PLXNB2: variants seen among roughly 807,000 people sequenced by gnomAD.
The protein encoded by PLXNB2 is plexin B2.
Under a neutral mutation model 202.6 loss-of-function variants are expected in PLXNB2, and 85 were observed. That is an observed-to-expected ratio of 0.42 (90% CI 0.35 to 0.50). The LOEUF is 0.50. PLXNB2 is among the 20% of genes least tolerant of loss of function. PLXNB2 has a pLI of 0.02. For missense variants in PLXNB2, 2,063 were observed against 2,586.2 expected, an observed-to-expected ratio of 0.80 and a Z score of 4.39; for synonymous variants, 1,239 against 1,137.6, an observed-to-expected ratio of 1.09 and a Z score of -1.79.
intron 33 of PLXNB2, among the ~76,000 whole-genome samples, chr22:50,277,300 C>CAAA (rs34557850): frequency 2.2e-4 from 32 of 142,802 alleles, no homozygotes; most frequent in Admixed American, 1.1e-3. Flanking sequence ...GACTCCATCT[C>CAAA]AAAAAAAAAA....
rs1363747306 is a variant in PLXNB2 at position 50,284,470 on chromosome 22, G to C, written c.2181+103C>G. On this transcript the variant is annotated intron_variant, in intron 12 of 36. Coordinates refer to ENST00000359337, the MANE Select transcript of PLXNB2 (RefSeq NM_012401.4). The surrounding 1 kb of genome is among the most constrained non-coding windows in gnomAD (Gnocchi z 8.0). ...GCCCCTGGCTGGGCTCTGGTCCCTG[G>C]GGTCTCCCTGCTGCCCCTCCCCTCA... 1.1e-6 allele frequency: 1 copy of C among 909,982 alleles called. No homozygotes were observed. Among genetic ancestry groups the C allele is most frequent in the African/African-American group, 1.6e-5 (1 of 61,046 alleles). 56.4% of individuals were successfully genotyped at this position (909,982 alleles called of 1,614,324 possible).
At position 50,284,708 on chromosome 22, in the gene PLXNB2, A is replaced by T. The variant is rs1206312625; in HGVS notation, c.2089-43T>A. ...AGGACCCTGGACAGGCGGCTGTGGC[A>T]CCCTGGCCCTCCTCCCAGAACCCCT... On this transcript the variant is annotated intron_variant, in intron 11 of 36. Coordinates refer to ENST00000359337, the MANE Select transcript of PLXNB2 (RefSeq NM_012401.4). The surrounding 1 kb of genome is among the most constrained non-coding windows in gnomAD (Gnocchi z 8.0). 1 of 1,470,144 alleles carries T rather than the reference A, an allele frequency of 6.8e-7. No homozygotes were observed. 91.1% of individuals were successfully genotyped at this position (1,470,144 alleles called of 1,614,324 possible).
intron 33 of PLXNB2, among the ~76,000 whole-genome samples, chr22:50,277,161 C>T (rs980076526): frequency 2.6e-5 from 4 of 152,088 alleles, no homozygotes; most frequent in Non-Finnish European, 4.4e-5. Flanking sequence ...ACTAGCCGTG[C>T]GTTGTGGCAC....
In PLXNB2 at chr22:50,278,908, A is replaced by C; in HGVS notation, c.4493T>G (p.Val1498Gly). 6.2e-7 allele frequency: 1 copy of C among 1,613,602 alleles called. No individual in the cohort carries two copies. Among genetic ancestry groups the C allele is most frequent in the Non-Finnish European group, 8.5e-7 (1 of 1,179,878 alleles). ...GCAGGAGCAGGGCTGCCCACGGTACACCTGGTCAATGATCTTCTCCTTGAC... is the reference window on the plus strand; with the variant it reads ...GCAGGAGCAGGGCTGCCCACGGTACCCCTGGTCAATGATCTTCTCCTTGAC... ...SQVKEKIIDQ[V>G]YRGQPCSCWP... Residue 1498 changes from valine (V) to glycine (G), a missense_variant, in exon 28 of 37, where the codon GTG becomes GGG. By Grantham distance (109) the Val-to-Gly change is moderately radical (BLOSUM62 -3). This residue lies in a region of PLXNB2 where 760 missense variants were observed against 1,109.4 expected (regional missense o/e 0.69). Coordinates refer to ENST00000359337, the MANE Select transcript of PLXNB2 (RefSeq NM_012401.4).
At position 50,284,943 on chromosome 22, in the gene PLXNB2, C is replaced by T. The variant is rs560979105; in HGVS notation, c.2089-278G>A. 1.8e-5 allele frequency: 10 copies of T among 569,832 alleles called. No individual in the cohort carries two copies. The highest frequency in any genetic ancestry group is 9.4e-5 in the South Asian group (6 of 63,682). 35.3% of individuals were successfully genotyped at this position (569,832 alleles called of 1,614,324 possible). Reference sequence around the variant, plus strand: ...GAACATCGCCCGGCCCACCTGACATCGTGGCCCCCACAGCTCCCTCCTCAG... The same window carrying T: ...GAACATCGCCCGGCCCACCTGACATTGTGGCCCCCACAGCTCCCTCCTCAG... On this transcript the variant is annotated intron_variant, in intron 11 of 36. Transcript: ENST00000359337. This position sits in a 1 kb window ranked among gnomAD's most constrained non-coding sequence, Gnocchi z 8.0.
At chr22:50,300,999 G>A (rs1482190265) in intron 1 of PLXNB2, among the ~76,000 whole-genome samples, 3 of 151,986 alleles carry the variant, frequency 2.0e-5, no homozygotes, top group Admixed American at 1.3e-4. Context: ...CCCCCTCTCC[G>A]CCTCTGCACC....
rs1205551430 is a variant in PLXNB2 at position 50,287,208 on chromosome 22, G to A, written c.1665C>T (p.Cys555=). The change falls in exon 8 of 37, where the codon TGC becomes TGT. Residue 555 remains cysteine (C), a synonymous_variant. Transcript: ENST00000359337. ...GGTGTGGCGGCGACTCCCCAAAAAGGCACAGCAACTCGTCCTCCTCGCTCA... is the reference window on the plus strand; with the variant it reads ...GGTGTGGCGGCGACTCCCCAAAAAGACACAGCAACTCGTCCTCCTCGCTCA... The part of the protein sequence containing the change: ...PALSEEDELL[C]LFGESPPHPA... 1.9e-6 allele frequency: 3 copies of A among 1,550,430 alleles called. No individual in the cohort carries two copies. Among genetic ancestry groups the A allele is most frequent in the African/African-American group, 2.7e-5 (2 of 73,102 alleles).
chr22:50,287,071 A>T (rs1293225368), intron 8 of PLXNB2, 40 bp downstream of exon 8: 1 of 1,466,398 alleles, frequency 6.8e-7, no homozygotes, highest in East Asian at 2.5e-5. Context: ...GCCCCGTGCG[A>T]CCGAGAAGGG....
In PLXNB2 at chr22:50,287,271, GA is replaced by G. The variant is rs1423360035; in HGVS notation, c.1609-8del. 6.7e-7 allele frequency: 1 copy of G among 1,495,808 alleles called. No homozygotes were observed. The highest frequency in any genetic ancestry group is 8.9e-7 in the Non-Finnish European group (1 of 1,117,596). 92.7% of individuals were successfully genotyped at this position (1,495,808 alleles called of 1,614,324 possible). ...GGCTGACGGTCAGCTGCACCTGAGG[GA>G]GGGGCCGTGCCGCTCACACTGGGAA... On this transcript the variant is annotated splice_polypyrimidine_tract_variant and splice_region_variant and intron_variant, in intron 7 of 36. Coordinates refer to ENST00000359337, the MANE Select transcript of PLXNB2 (RefSeq NM_012401.4).
At chr22:50,287,819 C>T (rs1257517612) in intron 6 of PLXNB2, 26 bp from the exon 7 acceptor site, 3 of 1,595,654 alleles carry the variant, frequency 1.9e-6, no homozygotes, top group East Asian at 2.2e-5. Context: ...GCGGCCTCAG[C>T]CCAGGGTGGA....
chr22:50,282,136 C>T, intron 19 of PLXNB2, 48 bp downstream of exon 19: 2 of 1,603,718 alleles, frequency 1.2e-6, no homozygotes, highest in Middle Eastern at 3.3e-4. Flanking sequence ...CCTTCCTGGG[C>T]ACGATCCCAT....
At chr22:50,302,702 G>C (rs77778031) in intron 1 of PLXNB2, among the ~76,000 whole-genome samples, 2,247 of 152,218 alleles carry the variant, frequency 0.015, 58 homozygotes, top group African/African-American at 0.051. Context: ...CAATCTCTGA[G>C]GCTGAGAGGG....
Position 50,283,074 on chromosome 22 carries a change from G to A in PLXNB2, c.2792C>T (p.Thr931Ile). 6.2e-7 allele frequency: 1 copy of A among 1,610,640 alleles called. No homozygotes were observed. Among genetic ancestry groups the A allele is most frequent in the East Asian group, 2.2e-5 (1 of 44,770 alleles). Residue 931 changes from threonine to isoleucine, a missense_variant, in exon 17 of 37, where the codon ACC becomes ATC. Physicochemically the swap from Thr to Ile is moderately conservative, Grantham distance 89. Coordinates refer to ENST00000359337, the MANE Select transcript of PLXNB2 (RefSeq NM_012401.4). ...DTGSQEDVRV[T>I]LNGVPCKVTK... Reference sequence around the variant, plus strand: ...CACTTTACACGGGACGCCGTTGAGGGTCACCCGCACGTCCTCCTGGGAGCC... The same window carrying A: ...CACTTTACACGGGACGCCGTTGAGGATCACCCGCACGTCCTCCTGGGAGCC...
chr22:50,300,032 C>T (rs1299996857), intron 1 of PLXNB2, among the ~76,000 whole-genome samples: 1 of 152,074 alleles, frequency 6.6e-6, no homozygotes, highest in Admixed American at 6.5e-5. Flanking sequence ...CTCCTCGGCG[C>T]CGCCCACTGC....
Position 50,288,095 on chromosome 22 carries a change from AC to A in PLXNB2, c.1381-59del. On this transcript the variant is annotated intron_variant, in intron 5 of 36. Transcript: ENST00000359337. This position sits in a 1 kb window ranked among gnomAD's most constrained non-coding sequence, Gnocchi z 5.0. ...CAGAGGCCGCACGGGCCTTCCGCAG[AC>A]CCCAGATGTCCCCAGACCGCCAGCT... The A allele has an allele frequency of 7.5e-7, 1 of 1,326,966 alleles. No homozygotes were observed. Among genetic ancestry groups the A allele is most frequent in the Non-Finnish European group, 1.1e-6 (1 of 950,956 alleles). The allele number at this position is 1,326,966 out of a possible 1,614,324, so 82.2% of individuals were successfully genotyped here.
In PLXNB2 at chr22:50,281,653, G is replaced by A. The variant is rs202229233; in HGVS notation, c.3435C>T (p.Thr1145=). The A allele has an allele frequency of 1.3e-5, 21 of 1,593,322 alleles. No homozygotes were observed. Among genetic ancestry groups the A allele is most frequent in the South Asian group, 4.5e-5 (4 of 88,674 alleles). ...ERCTMKTLTE[T]DLYCEPPEVQ... Reference sequence around the variant, plus strand: ...CCTCCGGGGGCTCACAGTACAGGTCGGTCTCCGTCAGCGTCTTCATGGTGC... The same window carrying A: ...CCTCCGGGGGCTCACAGTACAGGTCAGTCTCCGTCAGCGTCTTCATGGTGC... Residue 1145 remains threonine (T), a synonymous_variant, in exon 21 of 37, where the codon ACC becomes ACT. Coordinates refer to ENST00000359337, the MANE Select transcript of PLXNB2 (RefSeq NM_012401.4).
In PLXNB2 at chr22:50,291,441, C is replaced by T. The variant is rs1167319768; in HGVS notation, c.-13-844G>A. Among the ~76,000 whole-genome samples, 1 of 152,052 alleles carries T rather than the reference C, an allele frequency of 6.6e-6. No homozygotes were observed. The highest frequency in any genetic ancestry group is 1.5e-5 in the Non-Finnish European group (1 of 67,998). On this transcript the variant is annotated intron_variant, in intron 2 of 36. Coordinates refer to ENST00000359337, the MANE Select transcript of PLXNB2 (RefSeq NM_012401.4). This position sits in a 1 kb window ranked among gnomAD's most constrained non-coding sequence, Gnocchi z 4.3. ...AACTGAGCACGTCTCGGTGTGGGGT[C>T]TGTGCCTGGGTCCGGGTGGATGAGG...
chr22:50,283,883 C>T lies in PLXNB2; in HGVS notation c.2371G>A (p.Glu791Lys), dbSNP rs768741557. Residue 791 changes from glutamate to lysine, a missense_variant, in exon 14 of 37, where the codon GAG (glutamate) becomes AAG (lysine). Glu to Lys is a moderately conservative substitution (Grantham distance 56). Around this residue, in one of 2 missense-constraint regions of PLXNB2, gnomAD observed 1,303 missense variants for 1,476.8 expected, o/e 0.88. Coordinates refer to ENST00000359337, the MANE Select transcript of PLXNB2 (RefSeq NM_012401.4). ...TCGGAGGTGGTGTTGCACAGGGCCT[C>T]ATACACGCACCTGCTCTGGCCCCCG... ...WCGGQSRCVY[E>K]ALCNTTSECP... is the part of the protein sequence containing the mutation. 6.5e-5 allele frequency: 104 copies of T among 1,603,676 alleles called. No homozygotes were observed. The highest frequency in any genetic ancestry group is 8.3e-5 in the Non-Finnish European group (98 of 1,175,768).
At position 50,276,098 on chromosome 22, in the gene PLXNB2, GCCC is replaced by G. The variant is rs2065538917; in HGVS notation, c.5338-138_5338-136del. 4.0e-6 allele frequency: 3 copies of G among 758,238 alleles called. No homozygotes were observed. In the East Asian group the frequency reaches 8.0e-5, roughly 20 times the overall value. The allele number at this position is 758,238 out of a possible 1,614,324, so 47.0% of individuals were successfully genotyped here. Reference sequence around the variant, plus strand: ...GCCTTGGGCACAGCTGGCACTTGGGGCCCCCCATGTGGCACAGCCTCAGACAGA... The same window carrying G: ...GCCTTGGGCACAGCTGGCACTTGGGGCCCATGTGGCACAGCCTCAGACAGA... On this transcript the variant is annotated intron_variant, in intron 35 of 36. Transcript: ENST00000359337.
Sources: allele counts gnomAD v4.1 joint callset (sites outside exome capture counted in the v4.1 genomes callset), GRCh38; gene constraint gnomAD v4.1.1; regional missense constraint gnomAD v4.1.1; non-coding constraint Gnocchi (gnomAD v3.1); transcripts MANE v1.5; gene names NCBI Gene and HGNC (gene_info 2026-07-23, HGNC 2026-07-21).